METTL9: variants seen among roughly 807,000 people sequenced by gnomAD.
METTL9 encodes the protein protein-L-histidine N-pros-methyltransferase.
A neutral mutation model predicts 36.0 loss-of-function variants in METTL9; 10 were observed. That is an observed-to-expected ratio of 0.28 (90% confidence interval 0.17 to 0.47). METTL9 has a LOEUF of 0.47. Among genes scored for constraint, METTL9 ranks in the 20% least tolerant of loss-of-function variants. The probability of loss-of-function intolerance (pLI) is 0.99; values close to 1 mark genes in which losing one functional copy is unlikely to be tolerated. For synonymous variants in METTL9, 175 were observed against 149.7 expected, an observed-to-expected ratio of 1.17 and a Z score of -1.23; for missense variants, 246 against 383.5, an observed-to-expected ratio of 0.64 and a Z score of 3.00.
intron 1 of METTL9, among the ~76,000 whole-genome samples, chr16:21,603,170 C>G (rs1230951374): frequency 7.3e-5 from 11 of 150,204 alleles, no homozygotes; most frequent in African/African-American, 2.7e-4. Flanking sequence ...GACAGGGTCT[C>G]ACTGTGTCAC....
At chr16:21,642,451 A>T (rs772417081) in intron 4 of METTL9, 1 of 152,202 alleles carries the variant, frequency 6.6e-6, no homozygotes, top group South Asian at 2.1e-4. Flanking sequence ...ATTTTAGCTT[A>T]TTTGAGCTAT....
intron 4 of METTL9, chr16:21,640,477 G>C (rs1290166203): frequency 1.3e-5 from 2 of 150,896 alleles, no homozygotes; most frequent in Non-Finnish European, 2.9e-5. Flanking sequence ...TAGACTGTGC[G>C]CGGTGGCTCA....
chr16:21,612,623 C>CTTT (rs576885895), intron 1 of METTL9, 22 bp from the exon 2 acceptor site: 178 of 1,249,768 alleles, frequency 1.4e-4, no homozygotes, highest in Middle Eastern at 4.8e-4. Context: ...AATTTTTGTT[C>CTTT]TTTTTTTTTT....
upstream of METTL9, chr16:21,599,545 G>C (rs1965040457): frequency 1.6e-5 from 20 of 1,280,348 alleles, no homozygotes; most frequent in South Asian, 3.5e-4. This position sits in a 1 kb window ranked among gnomAD's most constrained non-coding sequence, Gnocchi z 4.4. Flanking sequence ...GGAAGGGAAG[G>C]GGGAGGTGCC....
chr16:21,610,707 G>C (rs1965406572), intron 1 of METTL9, among the ~76,000 whole-genome samples: 1 of 151,938 alleles, frequency 6.6e-6, no homozygotes, highest in Non-Finnish European at 1.5e-5. Context: ...TTCCTGCTTG[G>C]TTCTAGAAGT....
At chr16:21,641,595 T>G (rs1966270270) in intron 4 of METTL9, 1 of 1,557,660 alleles carries the variant, frequency 6.4e-7, no homozygotes, top group South Asian at 1.1e-5. Context: ...ATCTTTCTCC[T>G]GCAATAATAA....
intron 4 of METTL9, among the ~76,000 whole-genome samples, chr16:21,651,291 CTCTA>C (rs746675387): frequency 3.9e-5 from 6 of 152,080 alleles, no homozygotes; most frequent in Non-Finnish European, 7.4e-5. Flanking sequence ...AAAGCTGTCT[CTCTA>C]TCTAGTAAGT....
At chr16:21,604,614 T>C (rs547450807) in intron 1 of METTL9, among the ~76,000 whole-genome samples, 1 of 152,120 alleles carries the variant, frequency 6.6e-6, no homozygotes, top group East Asian at 1.9e-4. Flanking sequence ...GGGAAAATGG[T>C]GAATGGTCTG....
chr16:21,642,244 G>A (rs768263513), intron 4 of METTL9: 9 of 151,944 alleles, frequency 5.9e-5, no homozygotes, highest in Non-Finnish European at 1.0e-4. Context: ...CCTCTTGGCT[G>A]CTGTTTAAGA....
intron 3 of METTL9, among the ~76,000 whole-genome samples, chr16:21,620,440 C>A (rs544229710): frequency 6.6e-6 from 1 of 152,168 alleles, no homozygotes; most frequent in Non-Finnish European, 1.5e-5. Context: ...CACCTCCCCC[C>A]CTTAAAAAAA....
intron 1 of METTL9, among the ~76,000 whole-genome samples, chr16:21,608,729 T>C (rs1481705146): frequency 3.3e-5 from 5 of 152,170 alleles, no homozygotes; most frequent in Non-Finnish European, 5.9e-5. Context: ...TCAGCCCCTA[T>C]AACAAAGGAT....
At chr16:21,626,292 A>AT (rs1965813971) in intron 4 of METTL9, among the ~76,000 whole-genome samples, 1 of 152,220 alleles carries the variant, frequency 6.6e-6, no homozygotes, top group African/African-American at 2.4e-5. Context: ...GAAGAAATCT[A>AT]TTAGGATTTT....
chr16:21,613,861 G>C (rs370057952), intron 2 of METTL9, among the ~76,000 whole-genome samples: 1 of 147,456 alleles, frequency 6.8e-6, no homozygotes, highest in Non-Finnish European at 1.5e-5. Context: ...TCCTTTCTTG[G>C]CCATGTTTTC....
intron 4 of METTL9, among the ~76,000 whole-genome samples, chr16:21,626,308 T>C (rs1006161546): frequency 6.6e-6 from 1 of 152,230 alleles, no homozygotes; most frequent in African/African-American, 2.4e-5. Flanking sequence ...ATTTTGCAAA[T>C]GTCATTATTA....
At chr16:21,613,612 G>T (rs226007) in intron 2 of METTL9, among the ~76,000 whole-genome samples, 108,238 of 151,958 alleles carry the variant, frequency 0.71, 39,318 homozygotes, top group African/African-American at 0.85. Context: ...TGAAAAGTAA[G>T]ATCTTTGCCT....
At chr16:21,617,819 C>T (rs761678305) in intron 2 of METTL9, 46 bp from the exon 3 acceptor site, 3 of 1,522,098 alleles carry the variant, frequency 2.0e-6, no homozygotes, top group Admixed American at 3.3e-5. Context: ...GTGAGGGGTG[C>T]TTAATTTGCA....
intron 4 of METTL9, among the ~76,000 whole-genome samples, chr16:21,650,508 CAAAAAAAAAAAA>C (rs3046229): frequency 1.1e-5 from 1 of 89,990 alleles, no homozygotes; most frequent in African/African-American, 4.6e-5. Flanking sequence ...ACTCTTGTCT[CAAAAAAAAAAAA>C]AAAAAAAATA....
intron 3 of METTL9, among the ~76,000 whole-genome samples, chr16:21,620,259 A>G (rs1482398213): frequency 6.6e-6 from 1 of 152,190 alleles, no homozygotes; most frequent in Non-Finnish European, 1.5e-5. Context: ...GAGTGATTTG[A>G]AAGCCCCTTA....
chr16:21,647,162 G>T (rs1307469859), intron 4 of METTL9: 1 of 1,614,134 alleles, frequency 6.2e-7, no homozygotes, highest in African/African-American at 1.3e-5. Context: ...CCCTCCTCCT[G>T]TCTGTTTAGC....
Sources: gnomAD v4.1 joint callset for allele counts (sites outside exome capture counted in the v4.1 genomes callset) on GRCh38, gnomAD v4.1.1 for gene constraint, Gnocchi (gnomAD v3.1) non-coding constraint, MANE v1.5 for transcripts, NCBI Gene and HGNC (gene_info 2026-07-23, HGNC 2026-07-21) for gene names.